The following RCAN2 variants were observed in gnomAD, a reference collection of about 807,000 sequenced individuals.
RCAN2 encodes regulator of calcineurin 2, also known as calcipressin-2.
RCAN2 carries 9 observed loss-of-function variants against 23.6 expected under a neutral mutation model. The ratio of observed to expected loss-of-function variants is 0.38; its 90% CI spans 0.23 to 0.67. RCAN2 has a LOEUF of 0.67. Among genes scored for constraint, RCAN2 ranks in the 30% least tolerant of loss-of-function variants. The probability of loss-of-function intolerance (pLI) is 0.51; values close to 1 mark genes in which losing one functional copy is unlikely to be tolerated. For missense variants in RCAN2, 273 were observed against 302.3 expected (o/e 0.90, Z 0.72); for synonymous variants, 109 against 115.7 (o/e 0.94, Z 0.37).
chr6:46,491,007 ACCCCCGCCACCGCCCCCG>A (rs1411193259), intron 1 of RCAN2, among the ~76,000 whole-genome samples, 148 bp downstream of exon 1: 3 of 78,562 alleles, frequency 3.8e-5, no homozygotes, highest in Non-Finnish European at 9.0e-5. Flanking sequence ...CACTGCCCCC[ACCCCCGCCACCGCCCCCG>A]CCCCCGCCCC....
chr6:46,396,752 A>C (rs895501522), intron 2 of RCAN2, among the ~76,000 whole-genome samples: 1 of 152,156 alleles, frequency 6.6e-6, no homozygotes, highest in Non-Finnish European at 1.5e-5. Flanking sequence ...TGTTTGTTTT[A>C]ATGATTTCAA....
chr6:46,272,509 A>G (rs1351594823), intron 2 of RCAN2, among the ~76,000 whole-genome samples: 1 of 152,234 alleles, frequency 6.6e-6, no homozygotes. Flanking sequence ...ATAGAGGTTT[A>G]TTTCATTATG....
intron 2 of RCAN2, among the ~76,000 whole-genome samples, chr6:46,436,956 C>G (rs1266220486): frequency 6.6e-6 from 1 of 152,196 alleles, no homozygotes; most frequent in Non-Finnish European, 1.5e-5. Flanking sequence ...GCACCAATGC[C>G]TTCAGTCACA....
At chr6:46,348,837 A>G (rs1764565078) in intron 2 of RCAN2, among the ~76,000 whole-genome samples, 2 of 152,170 alleles carry the variant, frequency 1.3e-5, no homozygotes, top group Admixed American at 6.5e-5. Flanking sequence ...TTTAAAATGC[A>G]TATTAAATGA....
At chr6:46,399,706 C>T (rs1424570728) in intron 2 of RCAN2, among the ~76,000 whole-genome samples, 1 of 151,900 alleles carries the variant, frequency 6.6e-6, no homozygotes, top group African/African-American at 2.4e-5. Context: ...CCAATCTCTG[C>T]CTTCATTTTT....
At chr6:46,403,821 C>T (rs909839074) in intron 2 of RCAN2, among the ~76,000 whole-genome samples, 24 of 152,048 alleles carry the variant, frequency 1.6e-4, no homozygotes, top group African/African-American at 5.6e-4. Context: ...ATAAAAAACT[C>T]CTTGGATAAT....
chr6:46,487,847 G>C (rs944604373), intron 1 of RCAN2, among the ~76,000 whole-genome samples: 2 of 152,202 alleles, frequency 1.3e-5, no homozygotes, highest in African/African-American at 4.8e-5. Flanking sequence ...TATCCTCTAA[G>C]TGACCAGACA....
chr6:46,267,754 T>C (rs1350893158), intron 2 of RCAN2, among the ~76,000 whole-genome samples: 1 of 152,184 alleles, frequency 6.6e-6, no homozygotes, highest in African/African-American at 2.4e-5. Flanking sequence ...ACAAGAAATA[T>C]TCATTTCCTG....
At chr6:46,446,009 A>G (rs1339591766) in intron 2 of RCAN2, among the ~76,000 whole-genome samples, 1 of 152,126 alleles carries the variant, frequency 6.6e-6, no homozygotes, top group African/African-American at 2.4e-5. Context: ...TCAGTTAAAG[A>G]AATAATAACA....
At chr6:46,383,677 T>C (rs965702973) in intron 2 of RCAN2, among the ~76,000 whole-genome samples, 1 of 152,188 alleles carries the variant, frequency 6.6e-6, no homozygotes, top group African/African-American at 2.4e-5. Flanking sequence ...ATTTAGTTTC[T>C]CAGTTACACT....
At chr6:46,464,208 T>C (rs1410531420) in intron 1 of RCAN2, among the ~76,000 whole-genome samples, 2 of 152,210 alleles carry the variant, frequency 1.3e-5, no homozygotes, top group African/African-American at 4.8e-5. Flanking sequence ...TTCAATTGAA[T>C]ATAAGGTTAA....
At chr6:46,438,400 C>T (rs948705307) in intron 2 of RCAN2, 2 of 152,508 alleles carry the variant, frequency 1.3e-5, no homozygotes, top group African/African-American at 4.8e-5. Flanking sequence ...ACTGCAGACA[C>T]CTCACCAAGC....
At chr6:46,258,877 A>G (rs187643845) in intron 2 of RCAN2, among the ~76,000 whole-genome samples, 168 of 152,340 alleles carry the variant, frequency 1.1e-3, no homozygotes, top group African/African-American at 4.0e-3. Context: ...AACACCTCCA[A>G]TACAAATAAA....
intron 2 of RCAN2, among the ~76,000 whole-genome samples, chr6:46,304,699 G>A (rs1763009420): frequency 2.0e-5 from 3 of 152,120 alleles, no homozygotes; most frequent in African/African-American, 7.2e-5. Context: ...TTTTTAGGAG[G>A]TGGAGAGGAG....
chr6:46,385,187 G>A (rs970848472), intron 2 of RCAN2, among the ~76,000 whole-genome samples: 1 of 152,098 alleles, frequency 6.6e-6, no homozygotes, highest in Non-Finnish European at 1.5e-5. Flanking sequence ...CCATTTTAAA[G>A]TATATCAAAT....
intron 2 of RCAN2, among the ~76,000 whole-genome samples, chr6:46,382,588 C>T (rs1213863096): frequency 1.3e-5 from 2 of 152,140 alleles, no homozygotes; most frequent in Non-Finnish European, 2.9e-5. Flanking sequence ...GAAAGAACAA[C>T]AACACCACAT....
intron 2 of RCAN2, among the ~76,000 whole-genome samples, chr6:46,456,400 T>C (rs767220605): frequency 9.2e-5 from 14 of 152,208 alleles, no homozygotes; most frequent in Non-Finnish European, 1.9e-4. Flanking sequence ...GCAAATTATA[T>C]TTATGGCAGA....
intron 2 of RCAN2, among the ~76,000 whole-genome samples, chr6:46,263,543 G>GTGTA (rs1554128517): frequency 0.026 from 3,267 of 123,910 alleles, 166 homozygotes; most frequent in African/African-American, 0.085. Flanking sequence ...GTGTGTATGT[G>GTGTA]TGTGTGTGTG....
intron 2 of RCAN2, among the ~76,000 whole-genome samples, chr6:46,319,062 C>A (rs1180986342): frequency 6.6e-6 from 1 of 152,128 alleles, no homozygotes; most frequent in African/African-American, 2.4e-5. Context: ...GGATACAGAA[C>A]CTTTACATAA....
Sources: gnomAD v4.1 joint callset for allele counts (sites outside exome capture counted in the v4.1 genomes callset) on GRCh38, gnomAD v4.1.1 for gene constraint, MANE v1.5 for transcripts, NCBI Gene and HGNC (gene_info 2026-07-23, HGNC 2026-07-21) for gene names.